DOC2B: variants seen among roughly 807,000 people sequenced by gnomAD.
DOC2B encodes double C2 domain beta, also known as double C2-like domain-containing protein beta.
Under a neutral mutation model 28.9 loss-of-function variants are expected in DOC2B, and 21 were observed. The observed-to-expected ratio is 0.73, with a 90% CI of 0.52 to 1.05. The LOEUF (loss-of-function observed/expected upper bound fraction) is 1.05. Ranked by LOEUF, DOC2B falls within the 50% of genes least tolerant of loss-of-function variation. The pLI, the probability that DOC2B is intolerant of heterozygous loss-of-function variation, is 0.00. For synonymous variants in DOC2B, 194 were observed against 178.1 expected, an observed-to-expected ratio of 1.09 and a Z score of -0.71; for missense variants, 384 against 421.1, an observed-to-expected ratio of 0.91 and a Z score of 0.77.
chr17:178,797 G>C lies in DOC2B; in HGVS notation c.373+2310C>G, dbSNP rs947565248. The stretch of plus-strand genomic sequence containing the variant: ...CCTCATTTCTTTTTGTCAGAACAGA[G>C]ATAATCCAATAATTAGGGCAGCAAA... On this transcript the variant is annotated intron_variant, in intron 1 of 8. Transcript: ENST00000613549. Among the ~76,000 whole-genome samples the C allele has an allele frequency of 2.6e-5, 4 of 152,256 alleles. No individual in the cohort carries two copies. In the East Asian group the frequency reaches 7.7e-4, roughly 29 times the overall value.
chr17:161,032 A>C (rs1247845959), intron 5 of DOC2B, among the ~76,000 whole-genome samples: 1 of 151,946 alleles, frequency 6.6e-6, no homozygotes, highest in Non-Finnish European at 1.5e-5. Flanking sequence ...AGGACGTCCT[A>C]TCTGCTGCCT....
chr17:155,983 T>C (rs1555522407), intron 6 of DOC2B: 4 of 549,390 alleles, frequency 7.3e-6, no homozygotes, highest in Non-Finnish European at 1.3e-5. Context: ...TGATAACTAA[T>C]ACCTGCATGA....
rs539899964 is a variant in DOC2B, at chr17:162,576, G to A, written c.529-386C>T. Among the ~76,000 whole-genome samples, 6 of 152,332 alleles carry A rather than the reference G, an allele frequency of 3.9e-5. No individual in the cohort carries two copies. The East Asian group carries it at 5.8e-4, about 15-fold the overall frequency. ...GGAGCTAGGAAACTGTGGGCTCCCC[G>A]GGCTCCAGAAGGAATGCAGCCTTGC... On this transcript the variant is annotated intron_variant, in intron 3 of 8. Coordinates refer to ENST00000613549, the MANE Select transcript of DOC2B (RefSeq NM_003585.5).
intron 3 of DOC2B, among the ~76,000 whole-genome samples, chr17:162,421 A>G (rs1555523397): frequency 6.6e-6 from 1 of 152,146 alleles, no homozygotes. Flanking sequence ...TTAAAAGCAG[A>G]AGAATGGACA....
chr17:165,285 C>T (rs529923732), intron 2 of DOC2B, among the ~76,000 whole-genome samples: 39 of 152,094 alleles, frequency 2.6e-4, no homozygotes, highest in Non-Finnish European at 4.9e-4. Flanking sequence ...AGTTCAAGAC[C>T]AGCCTGGGCA....
intron 2 of DOC2B, among the ~76,000 whole-genome samples, chr17:166,725 C>T (rs1039859389): frequency 6.1e-5 from 9 of 148,490 alleles, no homozygotes; most frequent in Non-Finnish European, 4.5e-5. Context: ...ATACGTCTCA[C>T]GAGATCTCAT....
intron 1 of DOC2B, among the ~76,000 whole-genome samples, chr17:178,198 C>A (rs572090632): frequency 4.6e-5 from 7 of 152,332 alleles, no homozygotes; most frequent in African/African-American, 1.7e-4. Context: ...TGCACCTGAA[C>A]CTTCCTCACC....
At chr17:163,539 G>A (rs2040227927) in intron 3 of DOC2B, 1 of 152,420 alleles carries the variant, frequency 6.6e-6, no homozygotes, top group African/African-American at 2.4e-5. Context: ...ATGGCTCAAG[G>A]TCACCTTGAT....
chr17:181,355 C>G lies in DOC2B; in HGVS notation c.125G>C (p.Arg42Pro). Residue 42 changes from arginine to proline, a missense_variant, in exon 1 of 9, where the codon CGG becomes CCG. By Grantham distance (103) the Arg-to-Pro change is moderately radical. Transcript: ENST00000613549. This position sits in a 1 kb window ranked among gnomAD's most constrained non-coding sequence, Gnocchi z 7.0. ...QISDYFPRFP[R>P]GLPPDAGPRA... ...GGGCCCGGCGTCCGGGGGCAGGCCC[C>G]GCGGGAAGCGGGGGAAGTAGTCGGA... The G allele has an allele frequency of 8.9e-7, 1 of 1,129,470 alleles. No individual in the cohort carries two copies. The highest frequency in any genetic ancestry group is 1.1e-6 in the Non-Finnish European group (1 of 922,320). The allele number at this position is 1,129,470 out of a possible 1,614,324, so 70.0% of individuals were successfully genotyped here. A position where few individuals can be genotyped will look rare whatever the true frequency, so the allele number is the denominator to read the frequency against.
At chr17:169,770 C>A (rs1319861566) in intron 2 of DOC2B, among the ~76,000 whole-genome samples, 1 of 152,146 alleles carries the variant, frequency 6.6e-6, no homozygotes, top group African/African-American at 2.4e-5. Context: ...TTCAGCTCAC[C>A]CACCCTGGGC....
At chr17:170,465 C>T (rs1024122766) in intron 2 of DOC2B, among the ~76,000 whole-genome samples, 1 of 152,108 alleles carries the variant, frequency 6.6e-6, no homozygotes, top group African/African-American at 2.4e-5. Flanking sequence ...CCAAGGGCAG[C>T]CCTTGCTGCC....
At position 164,140 on chromosome 17, in the gene DOC2B, C is replaced by T; in HGVS notation, c.518G>A (p.Gly173Glu). Reference protein sequence around the residue: ...DPYVKLHLLPGASKANKLRTK... With the variant: ...DPYVKLHLLPEASKANKLRTK... The stretch of plus-strand genomic sequence containing the variant: ...GGTGGAACCCCTCACCTTACTGGCT[C>T]CTGGCAGCAGGTGCAGCTTGACGTA... Residue 173 changes from glycine to glutamate, a missense_variant, in exon 3 of 9, where the codon GGA becomes GAA. By Grantham distance (98) the Gly-to-Glu change is moderately conservative. Transcript: ENST00000613549. 1 of 1,552,790 alleles carries T rather than the reference C, an allele frequency of 6.4e-7. No homozygotes were observed. The highest frequency in any genetic ancestry group is 8.7e-7 in the Non-Finnish European group (1 of 1,147,506).
At position 172,442 on chromosome 17, in the gene DOC2B, A is replaced by G. The variant is rs2040323146; in HGVS notation, c.453+95T>C. ...AGCGCAGACATCCAAAAGCCTGGACAGGAACCTGGGGAGTGGTGTGGTCTG... is the reference window on the plus strand; with the variant it reads ...AGCGCAGACATCCAAAAGCCTGGACGGGAACCTGGGGAGTGGTGTGGTCTG... On this transcript the variant is annotated intron_variant, in intron 2 of 8. Coordinates refer to ENST00000613549, the MANE Select transcript of DOC2B (RefSeq NM_003585.5). The G allele has an allele frequency of 9.9e-6, 10 of 1,008,010 alleles. No individual in the cohort carries two copies. The South Asian group carries it at 1.6e-4, about 17-fold the overall frequency. 62.4% of individuals were successfully genotyped at this position (1,008,010 alleles called of 1,614,324 possible).
chr17:147,880 C>A (rs1475943786), intron 8 of DOC2B, among the ~76,000 whole-genome samples: 2 of 152,232 alleles, frequency 1.3e-5, no homozygotes, highest in Non-Finnish European at 1.5e-5. Context: ...AGCCACCAGG[C>A]CCACTGGGAA....
intron 6 of DOC2B, among the ~76,000 whole-genome samples, chr17:153,700 CAA>C (rs986649114): frequency 7.2e-6 from 1 of 138,154 alleles, no homozygotes; most frequent in Non-Finnish European, 1.6e-5. Flanking sequence ...GACTCTGTCT[CAA>C]AAAAAAAAAA....
chr17:158,816 G>A (rs930078667), intron 5 of DOC2B, among the ~76,000 whole-genome samples: 3 of 150,896 alleles, frequency 2.0e-5, no homozygotes, highest in Admixed American at 6.6e-5. Context: ...AGGCCAAGGC[G>A]GGCAGATCAC....
rs2040026804 is a variant in DOC2B at position 147,344 on chromosome 17, C to A, written c.*97G>T. 1 of 398,120 alleles carries A rather than the reference C, an allele frequency of 2.5e-6. No homozygotes were observed. Among genetic ancestry groups the A allele is most frequent in the Non-Finnish European group, 4.4e-6 (1 of 225,812 alleles). 24.7% of individuals were successfully genotyped at this position (398,120 alleles called of 1,614,324 possible). ...CCAAGCAGGGGTTCTGGATCTCCCC[C>A]AGTGTGGGGGCCACAGGCCTTGGTG... On this transcript the variant is annotated 3_prime_UTR_variant, in exon 9 of 9. Transcript: ENST00000613549.
Position 161,552 on chromosome 17 carries a change from C to T in DOC2B, c.639-11G>A, listed in dbSNP as rs572103179. On this transcript the variant is annotated splice_polypyrimidine_tract_variant and intron_variant, in intron 4 of 8. Transcript: ENST00000613549. Reference sequence around the variant, plus strand: ...TCACACACAGAGATCCTAGAGGGGGCGGTGGTGAGGGGCACAGCCAGTGCC... The same window carrying T: ...TCACACACAGAGATCCTAGAGGGGGTGGTGGTGAGGGGCACAGCCAGTGCC... 3.0e-5 allele frequency: 47 copies of T among 1,551,442 alleles called. No homozygotes were observed. Among genetic ancestry groups the T allele is most frequent in the South Asian group, 5.9e-5 (5 of 84,060 alleles).
At position 147,193 on chromosome 17, in the gene DOC2B, C is replaced by G; in HGVS notation, c.*248G>C. The G allele has an allele frequency of 2.6e-6, 1 of 377,664 alleles. No homozygotes were observed. Among genetic ancestry groups the G allele is most frequent in the Non-Finnish European group, 4.7e-6 (1 of 213,180 alleles). 23.4% of individuals were successfully genotyped at this position (377,664 alleles called of 1,614,324 possible). A position where few individuals can be genotyped will look rare whatever the true frequency, so the allele number is the denominator to read the frequency against. ...TTCCCCTGGGCAGGTGCTGAGGTCTCTTTCCACCACCGGCCTCTTGGGCCC... is the reference window on the plus strand; with the variant it reads ...TTCCCCTGGGCAGGTGCTGAGGTCTGTTTCCACCACCGGCCTCTTGGGCCC... On this transcript the variant is annotated 3_prime_UTR_variant, in exon 9 of 9. Transcript: ENST00000613549.
Sources: gnomAD v4.1 joint callset for allele counts (sites outside exome capture counted in the v4.1 genomes callset) on GRCh38, gnomAD v4.1.1 for gene constraint, Gnocchi (gnomAD v3.1) non-coding constraint, MANE v1.5 for transcripts, NCBI Gene and HGNC (gene_info 2026-07-23, HGNC 2026-07-21) for gene names.